Variants in EEA1 observed in about 807,000 individuals in gnomAD.
EEA1 encodes the protein early endosome antigen 1, 162kD.
Under a neutral mutation model 209.2 loss-of-function variants are expected in EEA1, and 111 were observed. The ratio of observed to expected loss-of-function variants is 0.53; its 90% confidence interval spans 0.45 to 0.62. The LOEUF is 0.62. Ranked by LOEUF, EEA1 falls within the 20% of genes least tolerant of loss-of-function variation. The pLI is 0.00. For missense variants in EEA1, 1,343 were observed against 1,530.8 expected, an observed-to-expected ratio of 0.88 and a Z score of 2.05; for synonymous variants, 536 against 540.6, an observed-to-expected ratio of 0.99 and a Z score of 0.12.
At chr12:92,862,582 T>A (rs1428111798) in intron 3 of EEA1, among the ~76,000 whole-genome samples, 2 of 150,082 alleles carry the variant, frequency 1.3e-5, no homozygotes, top group Non-Finnish European at 3.0e-5. Flanking sequence ...CAAGATCCTA[T>A]CTCTAAAAAA....
chr12:92,928,959 G>T, intron 1 of EEA1, 84 bp downstream of exon 1: 1 of 1,441,590 alleles, frequency 6.9e-7, no homozygotes, highest in Non-Finnish European at 9.4e-7. Flanking sequence ...AGGAGCCCGC[G>T]CTGAGGAGGG....
rs989881762 is a variant in EEA1 at position 92,804,750 on chromosome 12, T to G, written c.2340-2016A>C. On this transcript the variant is annotated intron_variant, in intron 18 of 28. Transcript: ENST00000322349. ...TGTAAGATGGGAGGGAAACATTGGGTGTATAAATGTAAGGGGGCCCTCAAA... is the reference window on the plus strand; with the variant it reads ...TGTAAGATGGGAGGGAAACATTGGGGGTATAAATGTAAGGGGGCCCTCAAA... 7.2e-5 allele frequency among the ~76,000 whole-genome samples: 11 copies of G among 151,982 alleles called. No individual in the cohort carries two copies. The East Asian group carries it at 2.1e-3, about 29-fold the overall frequency.
chr12:92,879,429 A>G, intron 2 of EEA1: 1 of 405,346 alleles, frequency 2.5e-6, no homozygotes, highest in Admixed American at 3.2e-5. Context: ...AGAGTAGATC[A>G]ACATTCAAAA....
chr12:92,888,693 AAAT>A (rs1879521223), intron 2 of EEA1, among the ~76,000 whole-genome samples: 1 of 152,210 alleles, frequency 6.6e-6, no homozygotes, highest in African/African-American at 2.4e-5. Context: ...ATAAATCTAA[AAAT>A]AATAATAACC....
At chr12:92,896,869 TC>T (rs2136760415) in intron 1 of EEA1, among the ~76,000 whole-genome samples, 1 of 152,218 alleles carries the variant, frequency 6.6e-6, no homozygotes, top group Admixed American at 6.5e-5. Flanking sequence ...GGCAAAACCT[TC>T]CACAAGCAAA....
intron 3 of EEA1, among the ~76,000 whole-genome samples, chr12:92,862,648 A>G (rs1878203878): frequency 6.6e-6 from 1 of 152,092 alleles, no homozygotes; most frequent in African/African-American, 2.4e-5. Flanking sequence ...GGAGTACAAG[A>G]CTAAAGATAG....
chr12:92,903,063 T>A (rs546882618), intron 1 of EEA1, among the ~76,000 whole-genome samples: 202 of 151,214 alleles, frequency 1.3e-3, no homozygotes, highest in South Asian at 3.8e-3. Context: ...GCCTCCCAAG[T>A]AGCTGGGGTT....
Position 92,777,623 on chromosome 12 carries a change from T to A in EEA1, c.3934A>T (p.Lys1312Ter). ...AGCTTTCTTTGCAATTCTAATACTT[T>A]GGTTTGAAGCTTTTCTATTTCACCT... ...GEGEIEKLQTKVLELQRKLDN... is the reference protein window; with the variant it reads ...GEGEIEKLQT The change falls in exon 27 of 29, where the codon AAA becomes TAA. Residue 1312 changes from lysine to a stop codon, truncating the protein, a stop_gained. Coordinates refer to ENST00000322349, the MANE Select transcript of EEA1 (RefSeq NM_003566.4). LOFTEE classifies it high-confidence loss of function. 1 of 1,612,344 alleles carries A rather than the reference T, an allele frequency of 6.2e-7. No individual in the cohort carries two copies. The highest frequency in any genetic ancestry group is 8.5e-7 in the Non-Finnish European group (1 of 1,178,924).
intron 1 of EEA1, among the ~76,000 whole-genome samples, chr12:92,924,201 C>CTTTT (rs754907902): frequency 3.2e-5 from 3 of 94,514 alleles, no homozygotes; most frequent in African/African-American, 8.6e-5. Context: ...ACATTTAAGA[C>CTTTT]TTTTTTTTTT....
intron 1 of EEA1, among the ~76,000 whole-genome samples, chr12:92,895,839 C>T (rs1389522776): frequency 6.6e-6 from 1 of 152,156 alleles, no homozygotes; most frequent in African/African-American, 2.4e-5. Context: ...AATATCAACA[C>T]TAACAAGAGT....
intron 21 of EEA1, among the ~76,000 whole-genome samples, chr12:92,793,344 C>T (rs182337281): frequency 6.6e-6 from 1 of 152,074 alleles, no homozygotes; most frequent in African/African-American, 2.4e-5. Context: ...TCAAATTGTC[C>T]CTGTTTGCAG....
chr12:92,797,678 C>G (rs1874717770), intron 21 of EEA1, among the ~76,000 whole-genome samples: 1 of 151,898 alleles, frequency 6.6e-6, no homozygotes. Context: ...AGAAAATGAC[C>G]TCAGGATATG....
intron 10 of EEA1, among the ~76,000 whole-genome samples, chr12:92,837,801 C>T (rs3782349): frequency 2.0e-5 from 3 of 152,302 alleles, no homozygotes; most frequent in East Asian, 3.9e-4. Flanking sequence ...TACCTATCCA[C>T]GTTGATACTA....
chr12:92,924,859 A>C (rs2051535734), intron 1 of EEA1, among the ~76,000 whole-genome samples: 2 of 151,062 alleles, frequency 1.3e-5, no homozygotes, highest in South Asian at 4.2e-4. Context: ...AAAAAAAAAA[A>C]AAAAAAACTA....
intron 2 of EEA1, among the ~76,000 whole-genome samples, chr12:92,886,940 G>A (rs1879435324): frequency 6.6e-6 from 1 of 151,670 alleles, no homozygotes; most frequent in Non-Finnish European, 1.5e-5. Flanking sequence ...GGAGTTTGCA[G>A]TGAGCCGAGA....
At chr12:92,779,799 A>G (rs970613532) in intron 24 of EEA1, among the ~76,000 whole-genome samples, 6 of 152,162 alleles carry the variant, frequency 3.9e-5, no homozygotes, top group African/African-American at 1.4e-4. Context: ...TTTTTAAGAA[A>G]TTAGTATTTT....
At chr12:92,881,860 C>T (rs1363182849) in intron 2 of EEA1, among the ~76,000 whole-genome samples, 3 of 151,878 alleles carry the variant, frequency 2.0e-5, no homozygotes, top group Admixed American at 6.6e-5. Context: ...TACAGCTGAC[C>T]CTCGAACACC....
Position 92,779,164 on chromosome 12 carries a change from T to C in EEA1, c.3605A>G (p.Lys1202Arg), listed in dbSNP as rs755368804. 2 of 1,608,112 alleles carry C rather than the reference T, an allele frequency of 1.2e-6. No homozygotes were observed. Among genetic ancestry groups the C allele is most frequent in the Admixed American group, 1.7e-5 (1 of 58,370 alleles). The change falls in exon 25 of 29, where the codon AAG becomes AGG. Residue 1202 changes from lysine (K) to arginine (R), a missense_variant. Lys to Arg is a conservative substitution (Grantham distance 26). Transcript: ENST00000322349. ...TTCTTTCTTCAGCTCCTCTTCTTCC[T>C]TTTTCACCTGGTCTTTTAGTATCTG... ...NQQILKDQVKKEEEELKKEFI... is the reference protein window; with the variant it reads ...NQQILKDQVKREEEELKKEFI...
chr12:92,819,299 C>T lies in EEA1; in HGVS notation c.1728+9G>A. 1.3e-6 allele frequency: 2 copies of T among 1,572,096 alleles called. No homozygotes were observed. The highest frequency in any genetic ancestry group is 1.9e-5 in the Admixed American group (1 of 52,320). On this transcript the variant is annotated intron_variant, in intron 14 of 28. Transcript: ENST00000322349. The stretch of plus-strand genomic sequence containing the variant: ...AATTTTACAAATATAATATATTTTA[C>T]AAGCTTACTTGCTCCTGTAGTGTAT...
Sources: allele counts gnomAD v4.1 joint callset (sites outside exome capture counted in the v4.1 genomes callset), GRCh38; gene constraint gnomAD v4.1.1; transcripts MANE v1.5; gene names NCBI Gene and HGNC (gene_info 2026-07-23, HGNC 2026-07-21).